The following CNIH3 variants were observed in gnomAD, a reference collection of about 807,000 sequenced individuals.
CNIH3 encodes cornichon family AMPA receptor auxiliary protein 3.
CNIH3 carries 14 observed loss-of-function variants against 24.1 expected under a neutral mutation model. That is an observed-to-expected ratio of 0.58 (90% CI 0.38 to 0.91). The LOEUF (loss-of-function observed/expected upper bound fraction) is 0.91. CNIH3 is among the 40% of genes least tolerant of loss of function. The pLI is 0.00. For synonymous variants in CNIH3, 68 were observed against 73.8 expected, an observed-to-expected ratio of 0.92 and a Z score of 0.40; for missense variants, 178 against 196.8, an observed-to-expected ratio of 0.90 and a Z score of 0.57.
chr1:224,647,974 G>A (rs1684691868), intron 1 of CNIH3, among the ~76,000 whole-genome samples: 1 of 152,184 alleles, frequency 6.6e-6, no homozygotes, highest in Non-Finnish European at 1.5e-5. Context: ...AGGAATTTTT[G>A]GAGACATATA....
intron 2 of CNIH3, among the ~76,000 whole-genome samples, chr1:224,533,523 C>T (rs879060610): frequency 2.0e-5 from 3 of 152,048 alleles, no homozygotes; most frequent in Admixed American, 2.0e-4. Context: ...TGTATTATCT[C>T]ATCGTTCTGG....
intron 1 of CNIH3, among the ~76,000 whole-genome samples, chr1:224,518,578 C>A (rs756892489): frequency 9.9e-5 from 15 of 152,082 alleles, no homozygotes; most frequent in Non-Finnish European, 1.9e-4. Context: ...CGATCTCCCA[C>A]CTTGGCCTCC....
At chr1:224,602,898 TCTACAAA>T (rs1309303366) in intron 3 of CNIH3, among the ~76,000 whole-genome samples, 1 of 152,172 alleles carries the variant, frequency 6.6e-6, no homozygotes, top group East Asian at 1.9e-4. Flanking sequence ...CCCGTAAAGG[TCTACAAA>T]CCGAAAAGTA....
At chr1:224,689,564 T>A (rs929079803) in intron 3 of CNIH3, among the ~76,000 whole-genome samples, 1 of 152,198 alleles carries the variant, frequency 6.6e-6, no homozygotes. Context: ...ATTCCCAAGC[T>A]GTGAGCACAT....
At chr1:224,517,984 G>A (rs575278905) in intron 1 of CNIH3, among the ~76,000 whole-genome samples, 5 of 152,232 alleles carry the variant, frequency 3.3e-5, no homozygotes, top group Non-Finnish European at 5.9e-5. Context: ...TTGATAAACC[G>A]AGCGATCCTT....
intron 1 of CNIH3, among the ~76,000 whole-genome samples, chr1:224,499,138 G>A (rs1328348194): frequency 2.0e-5 from 3 of 152,178 alleles, no homozygotes; most frequent in Middle Eastern, 3.2e-3. Flanking sequence ...CCTACTCCCC[G>A]CCTTTTAAAA....
At chr1:224,676,367 G>C (rs75890987) in intron 1 of CNIH3, among the ~76,000 whole-genome samples, 9,279 of 152,148 alleles carry the variant, frequency 0.061, 324 homozygotes, top group East Asian at 0.12. Flanking sequence ...TGGCGGGGGG[G>C]TGTTGCAGGA....
intron 4 of CNIH3, among the ~76,000 whole-genome samples, chr1:224,733,833 C>T (rs1027195007): frequency 1.1e-4 from 16 of 152,042 alleles, no homozygotes; most frequent in African/African-American, 3.6e-4. Context: ...CTGGGGGCAG[C>T]GACCACTTCC....
chr1:224,436,175 A>C (rs149236214), intron 1 of CNIH3, among the ~76,000 whole-genome samples: 28 of 152,218 alleles, frequency 1.8e-4, no homozygotes, highest in African/African-American at 6.5e-4. Context: ...GGCAGCTGTA[A>C]TTGCAAGGTG....
Position 224,616,863 on chromosome 1 carries a change from TTG to T in CNIH3, c.-311_-310del. 8.3e-7 allele frequency: 1 copy of T among 1,200,750 alleles called. No individual in the cohort carries two copies. Among genetic ancestry groups the T allele is most frequent in the Non-Finnish European group, 1.0e-6 (1 of 966,396 alleles). 74.4% of individuals were successfully genotyped at this position (1,200,750 alleles called of 1,614,324 possible). On this transcript the variant is annotated 5_prime_UTR_variant, in exon 1 of 6. The change creates a premature stop within an existing upstream ORF in the 5' untranslated region. Transcript: ENST00000272133. The stretch of plus-strand genomic sequence containing the variant: ...GTGTTGGTCTCGAGGGGCTCACAGC[TTG>T]GCACTAATTTGCAGGTGTTCGCTGC...
At chr1:224,606,890 GC>G (rs1328667597) in intron 3 of CNIH3, among the ~76,000 whole-genome samples, 2 of 152,142 alleles carry the variant, frequency 1.3e-5, no homozygotes, top group Non-Finnish European at 2.9e-5. Flanking sequence ...CCTCCCAGAA[GC>G]TTTTCCCAAC....
chr1:224,617,345 G>T, intron 1 of CNIH3, 90 bp downstream of exon 1: 1 of 1,416,448 alleles, frequency 7.1e-7, no homozygotes. Flanking sequence ...TGCGGGCGTG[G>T]GCGAACCGGA....
At position 224,734,720 on chromosome 1, in the gene CNIH3, C is replaced by T. The variant is rs372120343; in HGVS notation, c.455+14C>T. 3 of 1,613,146 alleles carry T rather than the reference C, an allele frequency of 1.9e-6. No individual in the cohort carries two copies. The South Asian group carries it at 3.3e-5, about 18-fold the overall frequency. On this transcript the variant is annotated intron_variant, in intron 5 of 5. Coordinates refer to ENST00000272133, the MANE Select transcript of CNIH3 (RefSeq NM_152495.2). ...CTACCTTTACTGGTGAGTATCTGCC[C>T]CTCCTGGTGGTTTTGACTCCTGCAG...
At chr1:224,669,595 G>T (rs1312620804) in intron 1 of CNIH3, among the ~76,000 whole-genome samples, 2 of 152,198 alleles carry the variant, frequency 1.3e-5, no homozygotes, top group Non-Finnish European at 2.9e-5. Flanking sequence ...TGTTGCTAAT[G>T]ATCATGCTCA....
chr1:224,700,369 G>A (rs971448298), intron 3 of CNIH3, among the ~76,000 whole-genome samples: 1 of 152,162 alleles, frequency 6.6e-6, no homozygotes, highest in Non-Finnish European at 1.5e-5. Flanking sequence ...GGGCTTCCAC[G>A]TATAAAATTT....
intron 1 of CNIH3, among the ~76,000 whole-genome samples, chr1:224,508,640 C>A (rs1678011376): frequency 6.6e-6 from 1 of 152,164 alleles, no homozygotes; most frequent in Non-Finnish European, 1.5e-5. Context: ...TAAAATTACT[C>A]TCCTCATGAA....
chr1:224,571,165 T>A (rs1680802032), intron 4 of CNIH3, among the ~76,000 whole-genome samples: 1 of 152,376 alleles, frequency 6.6e-6, no homozygotes, highest in Non-Finnish European at 1.5e-5. Context: ...TCTTGGTCCC[T>A]TGCACTTCTC....
chr1:224,737,679 G>C (rs180808712), intron 5 of CNIH3, among the ~76,000 whole-genome samples: 37 of 152,310 alleles, frequency 2.4e-4, no homozygotes, highest in Middle Eastern at 3.4e-3. Flanking sequence ...AGACGGGGTT[G>C]ATAGTTTATA....
intron 1 of CNIH3, among the ~76,000 whole-genome samples, chr1:224,483,484 G>A (rs1244127082): frequency 2.0e-5 from 3 of 151,656 alleles, no homozygotes. Flanking sequence ...CGCCTCCCCA[G>A]TTCAAGTGAT....
Sources: allele counts gnomAD v4.1 joint callset (sites outside exome capture counted in the v4.1 genomes callset), GRCh38; gene constraint gnomAD v4.1.1; transcripts MANE v1.5; gene names NCBI Gene and HGNC (gene_info 2026-07-23, HGNC 2026-07-21).